The following CIB2 variants were observed in gnomAD, a reference collection of about 807,000 sequenced individuals.
The protein encoded by CIB2 is calcium and integrin binding family member 2, also known as calcium and integrin-binding family member 2.
In CIB2, 19 loss-of-function variants were observed where a neutral mutation model predicts 23.1. The observed-to-expected ratio is 0.82, with a 90% CI of 0.57 to 1.21. CIB2 has a LOEUF of 1.21. CIB2 is among the 50% of genes most tolerant of loss of function. The probability of loss-of-function intolerance (pLI) is 0.00; values close to 1 mark genes in which losing one functional copy is unlikely to be tolerated. For missense variants in CIB2, 220 were observed against 241.5 expected (o/e 0.91, Z 0.59); for synonymous variants, 94 against 91.7 (o/e 1.03, Z -0.14).
intron 4 of CIB2, among the ~76,000 whole-genome samples, chr15:78,106,989 G>A (rs1198679847): frequency 1.3e-5 from 2 of 151,986 alleles, no homozygotes; most frequent in African/African-American, 2.4e-5. Context: ...AGCACTTTGC[G>A]AGTCCGAGGT....
At chr15:78,125,408 C>T (rs1175624850) in intron 1 of CIB2, among the ~76,000 whole-genome samples, 1 of 152,152 alleles carries the variant, frequency 6.6e-6, no homozygotes, top group African/African-American at 2.4e-5. Context: ...TGCTCTCTTC[C>T]CCCCGATCTG....
At chr15:78,129,362 T>G (rs2074423818) in intron 1 of CIB2, among the ~76,000 whole-genome samples, 1 of 151,990 alleles carries the variant, frequency 6.6e-6, no homozygotes, top group Non-Finnish European at 1.5e-5. Flanking sequence ...CTCCGATGAG[T>G]AACCCAATGC....
chr15:78,130,184 G>A (rs1379570473), intron 1 of CIB2, among the ~76,000 whole-genome samples: 1 of 152,144 alleles, frequency 6.6e-6, no homozygotes, highest in Non-Finnish European at 1.5e-5. Context: ...TGCCCCCTCC[G>A]CCTGGGGAGT....
chr15:78,119,082 A>C (rs1052791627), intron 2 of CIB2, among the ~76,000 whole-genome samples: 1 of 151,704 alleles, frequency 6.6e-6, no homozygotes, highest in African/African-American at 2.4e-5. Flanking sequence ...TGGGTGGCTG[A>C]GGCAGGAGAA....
intron 3 of CIB2, among the ~76,000 whole-genome samples, chr15:78,110,273 C>T (rs942005512): frequency 6.6e-6 from 1 of 152,228 alleles, no homozygotes; most frequent in African/African-American, 2.4e-5. Context: ...CAGGCCAGTG[C>T]GGGAGGCTCA....
chr15:78,111,202 A>T lies in CIB2; in HGVS notation c.161T>A (p.Val54Glu). 6.2e-7 allele frequency: 1 copy of T among 1,614,188 alleles called. No individual in the cohort carries two copies. Among genetic ancestry groups the T allele is most frequent in the Non-Finnish European group, 8.5e-7 (1 of 1,180,026 alleles). ...MDYRKSPIVH[V>E]PMSLIIQMPE... ...CATCTGGATGATGAGGCTCATGGGC[A>T]CGTGGACGATGGGGCTCTTCCTGTA... Residue 54 changes from valine to glutamate, a missense_variant, in exon 3 of 6, where the codon GTG becomes GAG. Val to Glu is a moderately radical substitution (Grantham distance 121). Coordinates refer to ENST00000258930, the MANE Select transcript of CIB2 (RefSeq NM_006383.4).
chr15:78,105,972 G>T, intron 4 of CIB2, 38 bp from the exon 5 acceptor site: 1 of 1,574,426 alleles, frequency 6.4e-7, no homozygotes, highest in Non-Finnish European at 8.7e-7. Context: ...AGTCCAGGCT[G>T]CGTGCACCCA....
intron 1 of CIB2, among the ~76,000 whole-genome samples, chr15:78,128,551 C>T (rs1052256533): frequency 3.3e-5 from 5 of 152,086 alleles, no homozygotes; most frequent in South Asian, 4.2e-4. Context: ...GTGGTGGGTG[C>T]CTGTAATCCC....
intron 2 of CIB2, among the ~76,000 whole-genome samples, chr15:78,122,686 T>TTTGGTCAAATG: frequency 6.6e-6 from 1 of 152,354 alleles, no homozygotes; most frequent in Middle Eastern, 3.4e-3. Context: ...GTCAAATGGT[T>TTTGGTCAAATG]GCCCAAGGCC....
At chr15:78,113,090 T>C (rs546917133) in intron 2 of CIB2, among the ~76,000 whole-genome samples, 1 of 152,208 alleles carries the variant, frequency 6.6e-6, no homozygotes, top group African/African-American at 2.4e-5. Context: ...TTCCCCATCC[T>C]ACACAGCCAA....
chr15:78,120,971 C>T (rs755895979), intron 2 of CIB2, among the ~76,000 whole-genome samples: 21 of 152,120 alleles, frequency 1.4e-4, no homozygotes, highest in African/African-American at 4.3e-4. Context: ...TTTTGTCACC[C>T]GGACCTGAGA....
chr15:78,123,836 C>T (rs1354262426), intron 1 of CIB2, 97 bp from the exon 2 acceptor site: 26 of 1,372,940 alleles, frequency 1.9e-5, no homozygotes, highest in East Asian at 2.3e-5. Flanking sequence ...GGGATAGCTC[C>T]GGACTGGGGA....
Position 78,131,126 on chromosome 15 carries a change from G to A in CIB2, c.51+39C>T, listed in dbSNP as rs1297808222. Reference sequence around the variant, plus strand: ...CGAGAAAAGGGAGGGGCGGCGGGGCGGCGGGGCCTGTGTTGGGGGCCGGGC... The same window carrying A: ...CGAGAAAAGGGAGGGGCGGCGGGGCAGCGGGGCCTGTGTTGGGGGCCGGGC... On this transcript the variant is annotated intron_variant, in intron 1 of 5. Transcript: ENST00000258930. The surrounding 1 kb of genome is among the most constrained non-coding windows in gnomAD (Gnocchi z 5.8). 7.2e-6 allele frequency: 11 copies of A among 1,537,812 alleles called. No individual in the cohort carries two copies. The highest frequency in any genetic ancestry group is 1.8e-5 in the Admixed American group (1 of 54,162).
chr15:78,105,284 TAGGCCCCTAC>T lies in CIB2; in HGVS notation c.*17_*26del. On this transcript the variant is annotated 3_prime_UTR_variant, in exon 6 of 6. Coordinates refer to ENST00000258930, the MANE Select transcript of CIB2 (RefSeq NM_006383.4). The stretch of plus-strand genomic sequence containing the variant: ...ACTGCAGGGCAGGATGGTGGACTTC[TAGGCCCCTAC>T]AGCCTCGGCAGTGTCCTCAGATCCG... The T allele has an allele frequency of 6.2e-7, 1 of 1,613,814 alleles. No individual in the cohort carries two copies. Among genetic ancestry groups the T allele is most frequent in the East Asian group, 2.2e-5 (1 of 44,872 alleles).
At chr15:78,122,068 G>T (rs140436842) in intron 2 of CIB2, among the ~76,000 whole-genome samples, 1 of 152,194 alleles carries the variant, frequency 6.6e-6, no homozygotes, top group Non-Finnish European at 1.5e-5. Context: ...TGGCTAACAG[G>T]TGCCATGCTC....
Position 78,109,278 on chromosome 15 carries a change from C to T in CIB2, c.303G>A (p.Ser101=), listed in dbSNP as rs77370542. 0.032 allele frequency: 52,222 copies of T among 1,609,416 alleles called. 1,016 individuals carry two copies. The highest frequency in any genetic ancestry group is 0.038 in the Non-Finnish European group (45,243 of 1,177,224). ...FVDMFSVLCE[S]APRELKANYA... ...AGTTTGCCTTGAGCTCTCGGGGAGC[C>T]GACTCGCAGAGCACGGAAAACATGT... The change falls in exon 4 of 6, where the codon TCG becomes TCA. Residue 101 remains serine, a synonymous_variant. Coordinates refer to ENST00000258930, the MANE Select transcript of CIB2 (RefSeq NM_006383.4).
At chr15:78,107,747 CT>C (rs1175268099) in intron 4 of CIB2, among the ~76,000 whole-genome samples, 1 of 152,226 alleles carries the variant, frequency 6.6e-6, no homozygotes, top group African/African-American at 2.4e-5. Context: ...ATCTGAGAAG[CT>C]TTTTACATGA....
intron 3 of CIB2, among the ~76,000 whole-genome samples, chr15:78,110,119 T>C (rs965651526): frequency 2.0e-5 from 3 of 152,248 alleles, no homozygotes; most frequent in African/African-American, 7.2e-5. Context: ...TCTGCTCCTG[T>C]GAATTCTCCC....
intron 2 of CIB2, among the ~76,000 whole-genome samples, chr15:78,122,676 G>A (rs1041628704): frequency 6.6e-6 from 1 of 152,256 alleles, no homozygotes; most frequent in Non-Finnish European, 1.5e-5. Context: ...CTCAGGGAAG[G>A]TCAAATGGTT....
Sources: allele counts gnomAD v4.1 joint callset (sites outside exome capture counted in the v4.1 genomes callset), GRCh38; gene constraint gnomAD v4.1.1; non-coding constraint Gnocchi (gnomAD v3.1); transcripts MANE v1.5; gene names NCBI Gene and HGNC (gene_info 2026-07-23, HGNC 2026-07-21).